Variants in UBR1 observed in about 807,000 individuals in gnomAD.
UBR1 encodes E3 ubiquitin-protein ligase UBR1.
UBR1 carries 102 observed loss-of-function variants against 242.1 expected under a neutral mutation model. The ratio of observed to expected loss-of-function variants is 0.42; its 90% CI spans 0.36 to 0.50. The LOEUF is 0.50. Among genes scored for constraint, UBR1 ranks in the 20% least tolerant of loss-of-function variants. The pLI, the probability that UBR1 is intolerant of heterozygous loss-of-function variation, is 0.01. For synonymous variants in UBR1, 675 were observed against 684.8 expected (o/e 0.99, Z 0.22); for missense variants, 1,772 against 2,101.8 (o/e 0.84, Z 3.07).
intron 13 of UBR1, 99 bp from the exon 14 acceptor site, chr15:43,047,388 C>T: frequency 6.4e-7 from 1 of 1,566,402 alleles, no homozygotes; most frequent in Non-Finnish European, 8.8e-7. Flanking sequence ...AACATTTTAA[C>T]ATGGTTGTTA....
intron 20 of UBR1, among the ~76,000 whole-genome samples, chr15:43,032,347 A>G (rs2033268076): frequency 6.6e-6 from 1 of 152,182 alleles, no homozygotes; most frequent in African/African-American, 2.4e-5. Context: ...TTAGACCTAT[A>G]ATATATATAA....
chr15:43,069,855 A>G (rs2033802603), intron 5 of UBR1, among the ~76,000 whole-genome samples: 1 of 152,216 alleles, frequency 6.6e-6, no homozygotes, highest in African/African-American at 2.4e-5. Context: ...GTTTACCAAC[A>G]TAAAGTGACT....
chr15:42,995,252 A>G, intron 33 of UBR1, among the ~76,000 whole-genome samples: 1 of 152,206 alleles, frequency 6.6e-6, no homozygotes, highest in East Asian at 1.9e-4. Flanking sequence ...CCAACATGTC[A>G]TTCTACATTT....
chr15:42,975,104 C>A (rs2141265762), intron 39 of UBR1, among the ~76,000 whole-genome samples: 1 of 152,264 alleles, frequency 6.6e-6, no homozygotes, highest in East Asian at 1.9e-4. Context: ...CAATGTTGGT[C>A]AGGCTGGTCT....
At chr15:43,022,680 G>A in intron 26 of UBR1, 22 bp downstream of exon 26, 1 of 1,513,168 alleles carries the variant, frequency 6.6e-7, no homozygotes, top group Non-Finnish European at 9.2e-7. Context: ...CAAATGTGTT[G>A]AAGAGTGATA....
Position 43,077,212 on chromosome 15 carries a change from C to T in UBR1, c.418-2123G>A, listed in dbSNP as rs1266634366. Reference sequence around the variant, plus strand: ...ATGGCGGTTTTGTGGAATAGAAGGGCGGGAAGGGTGGGGAGGAAATTGAGA... The same window carrying T: ...ATGGCGGTTTTGTGGAATAGAAGGGTGGGAAGGGTGGGGAGGAAATTGAGA... On this transcript the variant is annotated intron_variant, in intron 3 of 46. Coordinates refer to ENST00000290650, the MANE Select transcript of UBR1 (RefSeq NM_174916.3). 4.3e-5 allele frequency among the ~76,000 whole-genome samples: 4 copies of T among 92,660 alleles called. No individual in the cohort carries two copies. The Admixed American group carries it at 4.8e-4, about 11-fold the overall frequency. The allele number at this position is 92,660 out of a possible 152,430, so 60.8% of individuals were successfully genotyped here. A position where few individuals can be genotyped will look rare whatever the true frequency, so the allele number is the denominator to read the frequency against.
In UBR1 at chr15:42,943,505, C is replaced by G. The variant is rs1228339381; in HGVS notation, c.*1824G>C. Reference sequence around the variant, plus strand: ...AAATGGGTTCTTTGGCAGTAAAGGTCTGGCTGGCCATTGCCAGACAGTCCC... The same window carrying G: ...AAATGGGTTCTTTGGCAGTAAAGGTGTGGCTGGCCATTGCCAGACAGTCCC... On this transcript the variant is annotated 3_prime_UTR_variant, in exon 47 of 47. Coordinates refer to ENST00000290650, the MANE Select transcript of UBR1 (RefSeq NM_174916.3). 6.6e-6 allele frequency: 1 copy of G among 152,580 alleles called. No homozygotes were observed. Among genetic ancestry groups the G allele is most frequent in the Non-Finnish European group, 1.5e-5 (1 of 68,034 alleles). 9.5% of individuals were successfully genotyped at this position (152,580 alleles called of 1,614,324 possible).
chr15:42,979,931 C>T (rs183777988), intron 37 of UBR1, among the ~76,000 whole-genome samples: 22 of 152,262 alleles, frequency 1.4e-4, no homozygotes, highest in African/African-American at 5.1e-4. Flanking sequence ...ATATTGGCTA[C>T]ATAAAACAAA....
Position 43,038,076 on chromosome 15 carries a change from G to C in UBR1, c.1911+95C>G, listed in dbSNP as rs1398579819. 2.1e-6 allele frequency: 3 copies of C among 1,413,544 alleles called. No homozygotes were observed. The East Asian group carries it at 6.8e-5, about 32-fold the overall frequency. The allele number at this position is 1,413,544 out of a possible 1,614,324, so 87.6% of individuals were successfully genotyped here. A position where few individuals can be genotyped will look rare whatever the true frequency, so the allele number is the denominator to read the frequency against. ...AAAATTACTAAATGGGAATTCCTCAGGTGGGTTTCTAAATATTATCTCCTT... is the reference window on the plus strand; with the variant it reads ...AAAATTACTAAATGGGAATTCCTCACGTGGGTTTCTAAATATTATCTCCTT... On this transcript the variant is annotated intron_variant, in intron 16 of 46. Coordinates refer to ENST00000290650, the MANE Select transcript of UBR1 (RefSeq NM_174916.3).
At chr15:43,038,039 A>G (rs2141318272) in intron 16 of UBR1, 132 bp downstream of exon 16, 1 of 1,213,384 alleles carries the variant, frequency 8.2e-7, no homozygotes, top group Non-Finnish European at 1.2e-6. Flanking sequence ...ACAATGTACT[A>G]TATGAAGATG....
chr15:42,969,200 G>A (rs2032161605), intron 40 of UBR1, among the ~76,000 whole-genome samples: 1 of 152,076 alleles, frequency 6.6e-6, no homozygotes, highest in African/African-American at 2.4e-5. Context: ...ACTTTTTAAT[G>A]ATTGCCATTC....
intron 20 of UBR1, 87 bp downstream of exon 20, chr15:43,032,481 A>G: frequency 3.4e-6 from 3 of 885,894 alleles, no homozygotes; most frequent in Non-Finnish European, 5.4e-6. Flanking sequence ...ACGAATAAGG[A>G]GTAAAATGAT....
chr15:43,074,567 T>C, intron 4 of UBR1, among the ~76,000 whole-genome samples: 1 of 152,104 alleles, frequency 6.6e-6, no homozygotes, highest in Non-Finnish European at 1.5e-5. Context: ...GTAGCTGCAA[T>C]TACAGGTGTG....
chr15:43,014,081 G>A (rs1192463173), intron 29 of UBR1, among the ~76,000 whole-genome samples: 2 of 152,242 alleles, frequency 1.3e-5, no homozygotes, highest in African/African-American at 2.4e-5. Context: ...ACAGGGTTTC[G>A]CTGTGTTGGC....
At position 43,074,043 on chromosome 15, in the gene UBR1, A is replaced by C. The variant is rs144390520; in HGVS notation, c.528+936T>G. On this transcript the variant is annotated intron_variant, in intron 4 of 46. Transcript: ENST00000290650. ...TTCTGGGGCAAGTACTTTCTTGTGA[A>C]AATTTTCTGAATTTCTTCAATGTAA... Among the ~76,000 whole-genome samples the C allele has an allele frequency of 9.7e-3, 1,480 of 152,304 alleles. 17 individuals carry two copies. The highest frequency in any genetic ancestry group is 0.034 in the African/African-American group (1,410 of 41,556).
chr15:43,021,239 A>C, intron 27 of UBR1, 36 bp downstream of exon 27: 1 of 1,576,990 alleles, frequency 6.3e-7, no homozygotes, highest in Non-Finnish European at 8.7e-7. Flanking sequence ...TTAAATATTT[A>C]AACCAAGATA....
intron 27 of UBR1, among the ~76,000 whole-genome samples, chr15:43,017,868 C>T (rs1388218754): frequency 6.6e-6 from 1 of 151,858 alleles, no homozygotes; most frequent in Non-Finnish European, 1.5e-5. Context: ...GATTACAACA[C>T]CTCTATCAGA....
At chr15:42,987,313 T>A (rs2032481885) in intron 35 of UBR1, among the ~76,000 whole-genome samples, 1 of 152,236 alleles carries the variant, frequency 6.6e-6, no homozygotes, top group African/African-American at 2.4e-5. Flanking sequence ...GGGGGTCTGC[T>A]AAGGGCAGGT....
chr15:43,028,746 CAAA>C (rs1266687796), intron 21 of UBR1, among the ~76,000 whole-genome samples: 1 of 104,240 alleles, frequency 9.6e-6, no homozygotes, highest in African/African-American at 3.5e-5. Context: ...CTCCATCAAA[CAAA>C]AAAAAAAAAA....
Sources: allele counts gnomAD v4.1 joint callset (sites outside exome capture counted in the v4.1 genomes callset), GRCh38; gene constraint gnomAD v4.1.1; transcripts MANE v1.5; gene names NCBI Gene and HGNC (gene_info 2026-07-23, HGNC 2026-07-21).